Variants in FAM135B observed in about 807,000 individuals in gnomAD.
FAM135B encodes the protein family with sequence similarity 135 member B.
In FAM135B, 43 loss-of-function variants were observed where a neutral mutation model predicts 127.7. The ratio of observed to expected loss-of-function variants is 0.34; its 90% CI spans 0.26 to 0.43. The LOEUF (loss-of-function observed/expected upper bound fraction) is 0.43. Ranked by LOEUF, FAM135B falls within the 20% of genes least tolerant of loss-of-function variation. The pLI is 1.00. For missense variants in FAM135B, 1,558 were observed against 1,725.6 expected (o/e 0.90, Z 1.72); for synonymous variants, 670 against 665.1 (o/e 1.01, Z -0.11).
intron 1 of FAM135B, among the ~76,000 whole-genome samples, chr8:138,456,518 C>T (rs963326159): frequency 3.9e-5 from 6 of 152,128 alleles, no homozygotes; most frequent in African/African-American, 1.4e-4. Context: ...AGGGAGAAGG[C>T]ATTATCTAAT....
intron 3 of FAM135B, among the ~76,000 whole-genome samples, chr8:138,294,138 C>T (rs1387676367): frequency 6.6e-6 from 1 of 152,020 alleles, no homozygotes; most frequent in African/African-American, 2.4e-5. Context: ...ACTGAAGTAA[C>T]TCAGGAATGG....
At chr8:138,347,152 G>A (rs1829476435) in intron 2 of FAM135B, among the ~76,000 whole-genome samples, 1 of 152,198 alleles carries the variant, frequency 6.6e-6, no homozygotes, top group Non-Finnish European at 1.5e-5. Flanking sequence ...GGTGTGAGTA[G>A]GAGAGTGTCT....
At chr8:138,206,413 C>A (rs112278600) in intron 7 of FAM135B, among the ~76,000 whole-genome samples, 7 of 131,726 alleles carry the variant, frequency 5.3e-5, no homozygotes, top group Admixed American at 7.2e-5. Flanking sequence ...CTCTATCGTC[C>A]CCTCCACCTA....
chr8:138,335,749 A>C (rs570061871), intron 2 of FAM135B, among the ~76,000 whole-genome samples: 11 of 152,346 alleles, frequency 7.2e-5, no homozygotes, highest in African/African-American at 2.4e-4. Context: ...CTCTGCACCA[A>C]GCAGACCTAA....
chr8:138,265,620 C>A (rs1822852940), intron 4 of FAM135B, 83 bp downstream of exon 4: 2 of 1,505,408 alleles, frequency 1.3e-6, no homozygotes, highest in Admixed American at 1.8e-5. Flanking sequence ...ATACCTTCTT[C>A]TTTCAACATT....
chr8:138,488,459 G>T (rs917601549), intron 1 of FAM135B, among the ~76,000 whole-genome samples: 12 of 151,112 alleles, frequency 7.9e-5, no homozygotes, highest in Middle Eastern at 3.4e-3. Flanking sequence ...GGTGGCTAGA[G>T]ACTACACAGG....
intron 15 of FAM135B, among the ~76,000 whole-genome samples, chr8:138,145,481 G>C (rs3817687): frequency 0.51 from 76,765 of 151,914 alleles, 19,513 homozygotes; most frequent in Admixed American, 0.52. Flanking sequence ...GGAGATGGTG[G>C]TATCAATGTG....
chr8:138,368,519 C>T (rs537848121), intron 1 of FAM135B, among the ~76,000 whole-genome samples: 5 of 152,164 alleles, frequency 3.3e-5, no homozygotes, highest in Admixed American at 1.3e-4. Context: ...GTAGTAAATA[C>T]TGAATAAGTT....
intron 6 of FAM135B, among the ~76,000 whole-genome samples, chr8:138,248,510 G>C (rs1480914242): frequency 6.6e-6 from 1 of 152,128 alleles, no homozygotes; most frequent in African/African-American, 2.4e-5. Flanking sequence ...TGTCGGGTTA[G>C]TATCACATCT....
intron 7 of FAM135B, among the ~76,000 whole-genome samples, chr8:138,237,606 G>A (rs1056674315): frequency 1.6e-4 from 24 of 152,176 alleles, no homozygotes; most frequent in Admixed American, 1.2e-3. Flanking sequence ...TCTTTTAGAG[G>A]AAATTAATAT....
chr8:138,325,695 G>A (rs888696864), intron 2 of FAM135B, among the ~76,000 whole-genome samples: 1 of 152,138 alleles, frequency 6.6e-6, no homozygotes, highest in African/African-American at 2.4e-5. Context: ...GAACAGAATG[G>A]CTATAACTTC....
intron 1 of FAM135B, among the ~76,000 whole-genome samples, chr8:138,426,630 A>G (rs1429898225): frequency 6.6e-6 from 1 of 151,794 alleles, no homozygotes; most frequent in African/African-American, 2.4e-5. Context: ...ATCTCATTAG[A>G]ATGGGTAATT....
intron 7 of FAM135B, among the ~76,000 whole-genome samples, chr8:138,240,899 C>A (rs1820708724): frequency 6.6e-6 from 1 of 152,126 alleles, no homozygotes; most frequent in African/African-American, 2.4e-5. Context: ...TCTGTGACCA[C>A]TGACATTCCC....
chr8:138,243,806 A>C lies in FAM135B; in HGVS notation c.543-738T>G, dbSNP rs1467860143. ...TTTGATTTTCATCAATTGATATACC[A>C]GTAATGTTCACTTATACTCATATTC... On this transcript the variant is annotated intron_variant, in intron 6 of 19. Transcript: ENST00000395297. The surrounding 1 kb of genome is among the most constrained non-coding windows in gnomAD (Gnocchi z 7.5). 6.6e-6 allele frequency among the ~76,000 whole-genome samples: 1 copy of C among 152,208 alleles called. No individual in the cohort carries two copies. Among genetic ancestry groups the C allele is most frequent in the Admixed American group, 6.5e-5 (1 of 15,284 alleles).
intron 12 of FAM135B, among the ~76,000 whole-genome samples, chr8:138,158,355 A>T (rs1212543084): frequency 6.6e-6 from 1 of 152,240 alleles, no homozygotes; most frequent in African/African-American, 2.4e-5. Flanking sequence ...ACCCTAGAAG[A>T]AAACCTAGGC....
intron 7 of FAM135B, among the ~76,000 whole-genome samples, chr8:138,206,032 C>A (rs1192600138): frequency 6.6e-6 from 1 of 151,418 alleles, no homozygotes; most frequent in East Asian, 2.0e-4. Context: ...ATCCCCTTCA[C>A]ATACACACAG....
intron 6 of FAM135B, among the ~76,000 whole-genome samples, chr8:138,245,928 C>T (rs2130430180): frequency 6.6e-6 from 1 of 152,198 alleles, no homozygotes; most frequent in Middle Eastern, 3.4e-3. Context: ...GTGATATGGG[C>T]AATGAAGTCC....
intron 8 of FAM135B, among the ~76,000 whole-genome samples, chr8:138,195,911 G>A (rs118117152): frequency 1.1e-3 from 169 of 152,304 alleles, no homozygotes; most frequent in Non-Finnish European, 2.1e-3. Flanking sequence ...TTTGCACACG[G>A]CTCTGGCATG....
intron 1 of FAM135B, among the ~76,000 whole-genome samples, chr8:138,377,482 A>C (rs1367197299): frequency 6.6e-6 from 1 of 152,206 alleles, no homozygotes; most frequent in Non-Finnish European, 1.5e-5. Context: ...TCCCCTGTCC[A>C]TGGTAGAAGG....
Sources: allele counts gnomAD v4.1 joint callset (sites outside exome capture counted in the v4.1 genomes callset), GRCh38; gene constraint gnomAD v4.1.1; non-coding constraint Gnocchi (gnomAD v3.1); transcripts MANE v1.5; gene names NCBI Gene and HGNC (gene_info 2026-07-23, HGNC 2026-07-21).